MED13L: variants seen among roughly 807,000 people sequenced by gnomAD.
MED13L encodes mediator complex subunit 13L, also known as mediator of RNA polymerase II transcription subunit 13-like.
A neutral mutation model predicts 220.9 loss-of-function variants in MED13L; 7 were observed. The ratio of observed to expected loss-of-function variants is 0.03; its 90% CI spans 0.02 to 0.06. MED13L has a LOEUF of 0.06. Among genes scored for constraint, MED13L ranks in the 10% least tolerant of loss-of-function variants. The probability of loss-of-function intolerance (pLI) is 1.00; values close to 1 mark genes in which losing one functional copy is unlikely to be tolerated. For synonymous variants in MED13L, 1,011 were observed against 1,015.2 expected (o/e 1.00, Z 0.08); for missense variants, 1,965 against 2,760.5 (o/e 0.71, Z 6.46).
At chr12:116,236,647 C>T (rs763780586) in intron 2 of MED13L, among the ~76,000 whole-genome samples, 8 of 152,028 alleles carry the variant, frequency 5.3e-5, no homozygotes, top group Non-Finnish European at 1.0e-4. Flanking sequence ...AGTTAATACC[C>T]TAACTAAAGA....
chr12:116,189,411 C>G (rs1881124586), intron 2 of MED13L, among the ~76,000 whole-genome samples: 1 of 152,022 alleles, frequency 6.6e-6, no homozygotes, highest in African/African-American at 2.4e-5. Context: ...AGCTCTCTGT[C>G]AGACATGCGG....
intron 3 of MED13L, among the ~76,000 whole-genome samples, chr12:116,108,145 C>A (rs1170953614): frequency 2.0e-5 from 3 of 151,386 alleles, no homozygotes; most frequent in Non-Finnish European, 2.9e-5. Flanking sequence ...AGCTTTCAAG[C>A]CAGAAACTCA....
At chr12:116,199,927 G>C (rs771810353) in intron 2 of MED13L, among the ~76,000 whole-genome samples, 1 of 151,934 alleles carries the variant, frequency 6.6e-6, no homozygotes, top group Non-Finnish European at 1.5e-5. Flanking sequence ...GAGCATTTTG[G>C]ACGTCATACT....
At chr12:116,232,509 A>G (rs1288720168) in intron 2 of MED13L, among the ~76,000 whole-genome samples, 1 of 152,212 alleles carries the variant, frequency 6.6e-6, no homozygotes, top group African/African-American at 2.4e-5. Flanking sequence ...AATCATTAAA[A>G]ATTTTCACAA....
chr12:115,971,991 C>T, intron 26 of MED13L, 87 bp downstream of exon 26: 3 of 1,421,608 alleles, frequency 2.1e-6, no homozygotes, highest in Non-Finnish European at 2.0e-6. Context: ...ATAATGAAGA[C>T]AATTCTACCC....
At chr12:116,035,429 G>A (rs946849478) in intron 4 of MED13L, among the ~76,000 whole-genome samples, 1 of 151,962 alleles carries the variant, frequency 6.6e-6, no homozygotes, top group Non-Finnish European at 1.5e-5. Flanking sequence ...ATAAAGAATG[G>A]TTGCAACTCA....
At chr12:116,263,301 T>C (rs1253087829) in intron 1 of MED13L, among the ~76,000 whole-genome samples, 1 of 152,132 alleles carries the variant, frequency 6.6e-6, no homozygotes. Flanking sequence ...TAAATTAAAC[T>C]ATGTAATCTG....
At chr12:116,243,344 A>C (rs1870817501) in intron 1 of MED13L, among the ~76,000 whole-genome samples, 1 of 152,232 alleles carries the variant, frequency 6.6e-6, no homozygotes, top group Middle Eastern at 3.4e-3. Context: ...GAGCAGTAGG[A>C]TATAAATAAC....
chr12:116,103,260 T>C (rs1873244948), intron 3 of MED13L, among the ~76,000 whole-genome samples: 1 of 152,072 alleles, frequency 6.6e-6, no homozygotes, highest in Non-Finnish European at 1.5e-5. Context: ...TGTACTTATT[T>C]ATTTATGTTT....
intron 4 of MED13L, among the ~76,000 whole-genome samples, chr12:116,024,818 G>A (rs972813994): frequency 1.4e-5 from 2 of 143,060 alleles, no homozygotes; most frequent in African/African-American, 5.1e-5. Flanking sequence ...GAGAAATAGG[G>A]GTCTAGTGTC....
chr12:115,971,255 T>C (rs769517110), intron 26 of MED13L, among the ~76,000 whole-genome samples: 52 of 152,218 alleles, frequency 3.4e-4, no homozygotes, highest in Non-Finnish European at 5.7e-4. Context: ...GTAGGAACTA[T>C]GATCCCCATT....
chr12:116,259,945 C>G (rs1309472926), intron 1 of MED13L, among the ~76,000 whole-genome samples: 7 of 152,126 alleles, frequency 4.6e-5, no homozygotes. Flanking sequence ...GTGAGTACAG[C>G]TGAATAAAGA....
In MED13L at chr12:116,244,817, C is replaced by T. The variant is rs538190781; in HGVS notation, c.73-7112G>A. On this transcript the variant is annotated intron_variant, in intron 1 of 30. Transcript: ENST00000281928. ...AAATTAAAAAATAAGCCAAGCATGG[C>T]GCTGCTTGCCTGTAGTCCCAGCTAC... 3.9e-5 allele frequency among the ~76,000 whole-genome samples: 6 copies of T among 152,198 alleles called. No individual in the cohort carries two copies. In the South Asian group the frequency reaches 6.2e-4, roughly 16 times the overall value.
chr12:116,037,817 T>C (rs1881276524), intron 4 of MED13L, among the ~76,000 whole-genome samples: 1 of 152,156 alleles, frequency 6.6e-6, no homozygotes, highest in East Asian at 1.9e-4. Flanking sequence ...CGTGACTCAG[T>C]ATGTCCTTAA....
At chr12:116,009,215 T>C (rs1879241901) in intron 9 of MED13L, 83 bp from the exon 10 acceptor site, 3 of 1,364,778 alleles carry the variant, frequency 2.2e-6, no homozygotes, top group South Asian at 2.4e-5. Flanking sequence ...AAAGCATACA[T>C]TAGATGTACT....
chr12:116,240,208 T>C (rs1487376044), intron 1 of MED13L, among the ~76,000 whole-genome samples: 2 of 152,150 alleles, frequency 1.3e-5, no homozygotes, highest in Non-Finnish European at 1.5e-5. Flanking sequence ...GCAATTCTCA[T>C]GCCTCAGCCT....
chr12:115,970,488 G>C (rs371062074), intron 27 of MED13L, 106 bp downstream of exon 27: 1 of 1,181,406 alleles, frequency 8.5e-7, no homozygotes, highest in Non-Finnish European at 1.2e-6. Flanking sequence ...ATAGTTCCTG[G>C]GTTGTTTATT....
intron 17 of MED13L, among the ~76,000 whole-genome samples, chr12:115,990,398 T>C (rs1877979068): frequency 6.6e-6 from 1 of 152,230 alleles, no homozygotes; most frequent in Non-Finnish European, 1.5e-5. Context: ...GTGCCTTGTT[T>C]CTTTCAGTAA....
chr12:115,977,988 C>T (rs758323476), intron 23 of MED13L, among the ~76,000 whole-genome samples: 3 of 151,966 alleles, frequency 2.0e-5, no homozygotes, highest in Non-Finnish European at 2.9e-5. Context: ...AGAGCGAGAC[C>T]TTGCCTCAAA....
Sources: allele counts gnomAD v4.1 joint callset (sites outside exome capture counted in the v4.1 genomes callset), GRCh38; gene constraint gnomAD v4.1.1; transcripts MANE v1.5; gene names NCBI Gene and HGNC (gene_info 2026-07-23, HGNC 2026-07-21).